The following RPTOR variants were observed in gnomAD, a reference collection of about 807,000 sequenced individuals.
RPTOR encodes the protein regulatory associated protein of MTOR complex 1, also known as regulatory-associated protein of mTOR.
RPTOR carries 21 observed loss-of-function variants against 169.9 expected under a neutral mutation model. The observed-to-expected ratio is 0.12, with a 90% CI of 0.09 to 0.18. The LOEUF (loss-of-function observed/expected upper bound fraction) is 0.18. Ranked by LOEUF, RPTOR falls within the 10% of genes least tolerant of loss-of-function variation. The probability of loss-of-function intolerance (pLI) is 1.00; values close to 1 mark genes in which losing one functional copy is unlikely to be tolerated. For synonymous variants in RPTOR, 732 were observed against 753.2 expected (o/e 0.97, Z 0.46); for missense variants, 1,133 against 1,855.9 (o/e 0.61, Z 7.16).
chr17:80,807,426 C>G (rs1375196580), intron 7 of RPTOR, among the ~76,000 whole-genome samples: 1 of 152,150 alleles, frequency 6.6e-6, no homozygotes, highest in Admixed American at 6.5e-5. Flanking sequence ...CTCAAGCTCA[C>G]TGCAACCTCC....
At position 80,758,228 on chromosome 17, in the gene RPTOR, A is replaced by G. The variant is rs2066700433; in HGVS notation, c.830+4043A>G. On this transcript the variant is annotated intron_variant, in intron 6 of 33. Coordinates refer to ENST00000306801, the MANE Select transcript of RPTOR (RefSeq NM_020761.3). ...GTGTGATCAAAGACCAAGTGACCTT[A>G]TGGCACCAAGGGCTGTTGTGTTCCC... 2.6e-5 allele frequency among the ~76,000 whole-genome samples: 4 copies of G among 152,230 alleles called. No homozygotes were observed. In the South Asian group the frequency reaches 6.2e-4, roughly 24 times the overall value.
chr17:80,828,238 G>A (rs1326027588), intron 9 of RPTOR, among the ~76,000 whole-genome samples: 6 of 152,182 alleles, frequency 3.9e-5, no homozygotes, highest in Admixed American at 2.6e-4. Flanking sequence ...GGCACTTAGC[G>A]ACCTGCTGTA....
At chr17:80,703,097 T>C (rs1023206483) in intron 3 of RPTOR, among the ~76,000 whole-genome samples, 4 of 152,118 alleles carry the variant, frequency 2.6e-5, no homozygotes, top group Non-Finnish European at 5.9e-5. Context: ...CTTGTTCTTA[T>C]TTTGGGGTGC....
intron 24 of RPTOR, among the ~76,000 whole-genome samples, chr17:80,926,406 G>A (rs926620603): frequency 2.0e-5 from 3 of 152,194 alleles, no homozygotes; most frequent in Non-Finnish European, 2.9e-5. Context: ...TCTAGAAAGC[G>A]TCTTGCCGGG....
chr17:80,639,839 A>G (rs1349193376), intron 2 of RPTOR, among the ~76,000 whole-genome samples: 1 of 152,214 alleles, frequency 6.6e-6, no homozygotes, highest in Non-Finnish European at 1.5e-5. Context: ...AGGATGGGTA[A>G]TCAAACTGGG....
At chr17:80,607,599 TTA>T (rs34087784) in intron 1 of RPTOR, among the ~76,000 whole-genome samples, 5,267 of 147,028 alleles carry the variant, frequency 0.036, 298 homozygotes, top group African/African-American at 0.12. Context: ...TATATGCCAT[TTA>T]TATATATATA....
At position 80,545,784 on chromosome 17, in the gene RPTOR, A is replaced by G; in HGVS notation, c.155A>G (p.Lys52Arg). Residue 52 changes from lysine to arginine, a missense_variant, in exon 1 of 34, where the codon AAG becomes AGG. Lys to Arg is a conservative substitution (Grantham distance 26, BLOSUM62 2). Around this residue, in one of 9 missense-constraint regions of RPTOR, gnomAD observed 47 missense variants for 59.5 expected, o/e 0.79. Coordinates refer to ENST00000306801, the MANE Select transcript of RPTOR (RefSeq NM_020761.3). ...SKSLAQSWRM[K>R]DRMKTVSVAL... is the part of the protein sequence containing the mutation. Reference sequence around the variant, plus strand: ...TCCTTAGCTCAGAGCTGGAGGATGAAGGATCGGGTAAGTGGATTCTGAAGG... The same window carrying G: ...TCCTTAGCTCAGAGCTGGAGGATGAGGGATCGGGTAAGTGGATTCTGAAGG... The G allele has an allele frequency of 6.2e-7, 1 of 1,608,672 alleles. No individual in the cohort carries two copies. The highest frequency in any genetic ancestry group is 8.5e-7 in the Non-Finnish European group (1 of 1,177,390).
chr17:80,930,148 CCAG>C (rs2068860039), intron 24 of RPTOR, among the ~76,000 whole-genome samples: 1 of 95,482 alleles, frequency 1.0e-5, no homozygotes, highest in African/African-American at 3.8e-5. Flanking sequence ...CAGCTCATCC[CCAG>C]CTCAGCTCAT....
chr17:80,838,632 C>T (rs976225642), intron 10 of RPTOR, among the ~76,000 whole-genome samples: 5 of 152,232 alleles, frequency 3.3e-5, no homozygotes, highest in African/African-American at 1.2e-4. Flanking sequence ...AAAGAGGAGC[C>T]TCTCACATCT....
At chr17:80,923,866 C>A (rs1252532553) in intron 23 of RPTOR, 193 bp downstream of exon 23, 1 of 610,314 alleles carries the variant, frequency 1.6e-6, no homozygotes, top group South Asian at 2.0e-5. Context: ...ACCCCTCTGC[C>A]TGCACTCCTT....
intron 3 of RPTOR, among the ~76,000 whole-genome samples, chr17:80,700,502 ATGATGGTGATGG>A (rs1470419713): frequency 9.9e-6 from 1 of 100,906 alleles, no homozygotes; most frequent in East Asian, 3.2e-4. Context: ...GATGGTAGAG[ATGATGGTGATGG>A]TGATGGTGGT....
intron 6 of RPTOR, among the ~76,000 whole-genome samples, chr17:80,769,220 CTTG>C (rs903410429): frequency 2.1e-5 from 3 of 139,882 alleles, no homozygotes; most frequent in African/African-American, 8.2e-5. Flanking sequence ...TGTTGCCAGC[CTTG>C]TTGTAAAATG....
chr17:80,580,926 C>G (rs1406619869), intron 1 of RPTOR, among the ~76,000 whole-genome samples: 1 of 151,596 alleles, frequency 6.6e-6, no homozygotes, highest in Non-Finnish European at 1.5e-5. Flanking sequence ...CCATGCCTAG[C>G]CTGTGTGGCC....
intron 7 of RPTOR, among the ~76,000 whole-genome samples, chr17:80,799,403 G>A (rs1388259870): frequency 5.9e-5 from 9 of 152,170 alleles, no homozygotes; most frequent in African/African-American, 1.2e-4. Flanking sequence ...CAGTACCTGC[G>A]CATACACTAG....
chr17:80,603,975 C>T (rs1050223309), intron 1 of RPTOR, among the ~76,000 whole-genome samples: 2 of 152,178 alleles, frequency 1.3e-5, no homozygotes, highest in East Asian at 1.9e-4. Flanking sequence ...AATCCAAGTC[C>T]GCAGACCCCA....
intron 1 of RPTOR, among the ~76,000 whole-genome samples, chr17:80,592,046 C>T (rs1229982948): frequency 6.6e-6 from 1 of 152,226 alleles, no homozygotes; most frequent in African/African-American, 2.4e-5. Context: ...TCTTTCTTCT[C>T]TTACATTTGT....
intron 7 of RPTOR, among the ~76,000 whole-genome samples, chr17:80,810,958 T>C (rs2067266089): frequency 6.6e-6 from 1 of 152,218 alleles, no homozygotes; most frequent in Non-Finnish European, 1.5e-5. Context: ...ATTCACTTAT[T>C]GGCTCTGGGA....
rs1172331723 is a variant in RPTOR at position 80,823,942 on chromosome 17, T to C, written c.1136+719T>C. The stretch of plus-strand genomic sequence containing the variant: ...ATGGGAGAAACCCTAACAACACAAA[T>C]ATTTTTAAAAGAGCGATTAACGTAT... On this transcript the variant is annotated intron_variant, in intron 9 of 33. Coordinates refer to ENST00000306801, the MANE Select transcript of RPTOR (RefSeq NM_020761.3). This position sits in a 1 kb window ranked among gnomAD's most constrained non-coding sequence, Gnocchi z 4.5. 6.6e-6 allele frequency among the ~76,000 whole-genome samples: 1 copy of C among 152,184 alleles called. No individual in the cohort carries two copies. The highest frequency in any genetic ancestry group is 1.9e-4 in the East Asian group (1 of 5,198).
intron 1 of RPTOR, among the ~76,000 whole-genome samples, chr17:80,575,532 C>T (rs555222867): frequency 1.3e-5 from 2 of 152,296 alleles, no homozygotes; most frequent in South Asian, 2.1e-4. Flanking sequence ...GGCGCCCCCT[C>T]GTGTTGTGGA....
Sources: allele counts gnomAD v4.1 joint callset (sites outside exome capture counted in the v4.1 genomes callset), GRCh38; gene constraint gnomAD v4.1.1; regional missense constraint gnomAD v4.1.1; non-coding constraint Gnocchi (gnomAD v3.1); transcripts MANE v1.5; gene names NCBI Gene and HGNC (gene_info 2026-07-23, HGNC 2026-07-21).